Variants in LYRM4 observed in about 807,000 individuals in gnomAD.
LYRM4 encodes the protein LYR motif-containing protein 4.
LYRM4 carries 9 observed loss-of-function variants against 11.7 expected under a neutral mutation model. That is an observed-to-expected ratio of 0.77 (90% CI 0.46 to 1.34). The LOEUF is 1.34. LYRM4 is among the 40% of genes most tolerant of loss of function. LYRM4 has a pLI of 0.00. For synonymous variants in LYRM4, 42 were observed against 40.4 expected (o/e 1.04, Z -0.15); for missense variants, 133 against 112.5 (o/e 1.18, Z -0.82).
chr6:5,057,736 A>C, the LYRM4 span, among the ~76,000 whole-genome samples: 1 of 150,978 alleles, frequency 6.6e-6, no homozygotes, highest in African/African-American at 2.4e-5. Context: ...AAAAAAAAAA[A>C]CTTCCCTCAT....
At chr6:5,173,135 C>T (rs1759524494) in intron 2 of LYRM4, among the ~76,000 whole-genome samples, 1 of 152,232 alleles carries the variant, frequency 6.6e-6, no homozygotes, top group Non-Finnish European at 1.5e-5. Context: ...ATGACTTCTG[C>T]AGACATGTAA....
chr6:5,037,887 G>A, the LYRM4 span, among the ~76,000 whole-genome samples: 6 of 54,422 alleles, frequency 1.1e-4, 1 homozygote, highest in African/African-American at 3.0e-4. Flanking sequence ...CAGTAGGGGC[G>A]GCCGGGCAAA....
chr6:5,118,094 A>ATATATATTTTTTTTTTTTT, intron 2 of LYRM4, among the ~76,000 whole-genome samples: 1 of 86,132 alleles, frequency 1.2e-5, no homozygotes, highest in Non-Finnish European at 2.4e-5. Context: ...ATATATATAT[A>ATATATATTTTTTTTTTTTT]TTTTTGTTTT....
chr6:5,216,480 T>C (rs2127723661), intron 2 of LYRM4, 138 bp downstream of exon 2: 1 of 935,096 alleles, frequency 1.1e-6, no homozygotes, highest in Non-Finnish European at 1.6e-6. Flanking sequence ...TTTACATGTC[T>C]GTATTAGTAC....
At chr6:5,126,662 A>G (rs1487234655) in intron 2 of LYRM4, among the ~76,000 whole-genome samples, 1 of 152,244 alleles carries the variant, frequency 6.6e-6, no homozygotes, top group African/African-American at 2.4e-5. Flanking sequence ...AAAAGGAGTG[A>G]AGTTCAGATA....
At chr6:5,170,080 G>C (rs2127665617) in intron 2 of LYRM4, among the ~76,000 whole-genome samples, 1 of 152,308 alleles carries the variant, frequency 6.6e-6, no homozygotes, top group East Asian at 1.9e-4. Flanking sequence ...GCCTAGCTTG[G>C]CTACAGTGTA....
the LYRM4 span, among the ~76,000 whole-genome samples, chr6:5,053,708 T>C: frequency 6.6e-6 from 1 of 152,036 alleles, no homozygotes; most frequent in Non-Finnish European, 1.5e-5. Context: ...TTATTTCTAG[T>C]ATTTTTGTAT....
intron 2 of LYRM4, among the ~76,000 whole-genome samples, chr6:5,197,126 TG>T (rs1291211204): frequency 7.9e-5 from 12 of 152,162 alleles, no homozygotes. Flanking sequence ...GTGAGATTAC[TG>T]AAACAGATGA....
the LYRM4 span, chr6:5,086,655 A>G: frequency 1.8e-6 from 2 of 1,101,250 alleles, no homozygotes; most frequent in Non-Finnish European, 2.5e-6. Context: ...CGCTTTGCTG[A>G]GCGTGGCGAG....
the LYRM4 span, among the ~76,000 whole-genome samples, chr6:5,054,930 T>TA: frequency 1.3e-5 from 2 of 152,214 alleles, no homozygotes; most frequent in Non-Finnish European, 2.9e-5. Context: ...AACCTGTCTC[T>TA]TGTGGGGGAA....
At chr6:5,113,364 G>T in intron 2 of LYRM4, 1 of 447,640 alleles carries the variant, frequency 2.2e-6, no homozygotes, top group Non-Finnish European at 4.5e-6. Flanking sequence ...GGTGGAGGTT[G>T]CTGAGATCAC....
intron 2 of LYRM4, among the ~76,000 whole-genome samples, chr6:5,181,166 T>C (rs1316619211): frequency 6.6e-6 from 1 of 152,174 alleles, no homozygotes; most frequent in Non-Finnish European, 1.5e-5. Flanking sequence ...TGTTTGTTTT[T>C]AAAAAAACAA....
intron 1 of LYRM4, among the ~76,000 whole-genome samples, chr6:5,221,192 C>T (rs753990661): frequency 6.6e-6 from 1 of 152,198 alleles, no homozygotes; most frequent in Non-Finnish European, 1.5e-5. Context: ...ATGCTGTATT[C>T]TCTAGGGCAC....
At chr6:5,107,354 A>T (rs1049355036), downstream of LYRM4, 1 of 152,220 alleles carries the variant, frequency 6.6e-6, no homozygotes, top group Non-Finnish European at 1.5e-5. Context: ...TGCCTTCAGC[A>T]CGGAGGTTCA....
intron 2 of LYRM4, 49 bp downstream of exon 2, chr6:5,216,569 G>A (rs368055648): frequency 7.5e-5 from 120 of 1,609,334 alleles, no homozygotes; most frequent in Non-Finnish European, 9.3e-5. Context: ...GGAATATGTC[G>A]AAGTTTAAAG....
intron 2 of LYRM4, among the ~76,000 whole-genome samples, chr6:5,133,147 G>A (rs1309972933): frequency 6.6e-6 from 1 of 152,200 alleles, no homozygotes; most frequent in Non-Finnish European, 1.5e-5. Context: ...GCCATCTCAC[G>A]GGTGAGGCTA....
intron 2 of LYRM4, among the ~76,000 whole-genome samples, chr6:5,192,234 T>C (rs558098163): frequency 3.2e-4 from 49 of 152,148 alleles, no homozygotes; most frequent in Non-Finnish European, 6.6e-4. Flanking sequence ...ACATTTAAAG[T>C]GCTGCTACTT....
At chr6:5,176,963 C>A (rs2127672924) in intron 2 of LYRM4, among the ~76,000 whole-genome samples, 1 of 152,272 alleles carries the variant, frequency 6.6e-6, no homozygotes, top group South Asian at 2.1e-4. Context: ...CTCCAAATAA[C>A]TTATTTCAGT....
chr6:5,118,094 A>ATATATATATATTATTTT, intron 2 of LYRM4, among the ~76,000 whole-genome samples: 1 of 86,114 alleles, frequency 1.2e-5, no homozygotes, highest in Non-Finnish European at 2.4e-5. Context: ...ATATATATAT[A>ATATATATATATTATTTT]TTTTTGTTTT....
Sources: gnomAD v4.1 joint callset for allele counts (sites outside exome capture counted in the v4.1 genomes callset) on GRCh38, gnomAD v4.1.1 for gene constraint, MANE v1.5 for transcripts, NCBI Gene and HGNC (gene_info 2026-07-23, HGNC 2026-07-21) for gene names.